Variants in TICRR observed in about 807,000 individuals in gnomAD.
TICRR encodes treslin.
TICRR carries 132 observed loss-of-function variants against 178.1 expected under a neutral mutation model. The observed-to-expected ratio is 0.74, with a 90% CI of 0.64 to 0.86. The LOEUF is 0.86. Ranked by LOEUF, TICRR falls within the 40% of genes least tolerant of loss-of-function variation. The pLI is 0.00. For synonymous variants in TICRR, 991 were observed against 900.7 expected, an observed-to-expected ratio of 1.10 and a Z score of -1.79; for missense variants, 2,587 against 2,334.3, an observed-to-expected ratio of 1.11 and a Z score of -2.23.
chr15:89,627,493 G>A lies in TICRR; in HGVS notation c.*407G>A, dbSNP rs190449774. On this transcript the variant is annotated 3_prime_UTR_variant, in exon 22 of 22. Transcript: ENST00000268138. ...GCTGGGCTGCTGCGACACAGGCAGC[G>A]CTTTGTAAACTGTGAAGCCATATAC... 6 of 198,212 alleles carry A rather than the reference G, an allele frequency of 3.0e-5. No homozygotes were observed. The highest frequency in any genetic ancestry group is 1.1e-4 in the Admixed American group (2 of 18,394). The allele number at this position is 198,212 out of a possible 1,614,324, so 12.3% of individuals were successfully genotyped here.
In TICRR at chr15:89,627,049, GGAA is replaced by G; in HGVS notation, c.5701_5703del (p.Lys1901del). 3.1e-6 allele frequency: 5 copies of G among 1,614,080 alleles called. No individual in the cohort carries two copies. Among genetic ancestry groups the G allele is most frequent in the Non-Finnish European group, 4.2e-6 (5 of 1,180,040 alleles). Reference sequence around the variant, plus strand: ...CGCCCCATCAGCAGAACTTATACACGGAAGAAGCTCATGGGAACCTGGCTGGAG... The same window carrying G: ...CGCCCCATCAGCAGAACTTATACACGGAAGCTCATGGGAACCTGGCTGGAG... On this transcript the variant is annotated inframe_deletion, in exon 22 of 22. Coordinates refer to ENST00000268138, the MANE Select transcript of TICRR (RefSeq NM_152259.4).
rs1254350348 is a variant in TICRR at position 89,595,436 on chromosome 15, G to T, written c.1725G>T (p.Met575Ile). The T allele has an allele frequency of 1.2e-6, 2 of 1,613,986 alleles. No individual in the cohort carries two copies. Among genetic ancestry groups the T allele is most frequent in the Non-Finnish European group, 1.7e-6 (2 of 1,180,022 alleles). The change falls in exon 7 of 22, where the codon ATG becomes ATT. Residue 575 changes from methionine (M) to isoleucine (I), a missense_variant. Physicochemically the swap from Met to Ile is conservative, Grantham distance 10. Transcript: ENST00000268138. ...RTPVRQKMNTMCRSLKMLNVA... is the reference protein window; with the variant it reads ...RTPVRQKMNTICRSLKMLNVA... Reference sequence around the variant, plus strand: ...CAGTGAGACAGAAGATGAATACCATGTGCCGTTCCTTAAAGATGTTGAATG... The same window carrying T: ...CAGTGAGACAGAAGATGAATACCATTTGCCGTTCCTTAAAGATGTTGAATG...
At chr15:89,601,148 A>G (rs1963088087) in intron 9 of TICRR, 150 bp from the exon 10 acceptor site, 2 of 574,140 alleles carry the variant, frequency 3.5e-6, no homozygotes, top group African/African-American at 1.9e-5. Flanking sequence ...TCACCTATTT[A>G]TCTAATAACT....
Position 89,602,784 on chromosome 15 carries a change from T to C in TICRR, c.2568-12T>C. ...CTATCTAGTATGTATTAACTATTTC[T>C]ATTTTTAAAAGGAAAAATGCATTAA... is the stretch of plus-strand genomic sequence containing the variant. On this transcript the variant is annotated splice_polypyrimidine_tract_variant and intron_variant, in intron 12 of 21. Transcript: ENST00000268138. The C allele has an allele frequency of 1.4e-6, 2 of 1,407,032 alleles. No homozygotes were observed. Among genetic ancestry groups the C allele is most frequent in the Non-Finnish European group, 1.9e-6 (2 of 1,062,162 alleles). The allele number at this position is 1,407,032 out of a possible 1,614,324, so 87.2% of individuals were successfully genotyped here. A position where few individuals can be genotyped will look rare whatever the true frequency, so the allele number is the denominator to read the frequency against.
rs1963494278 is a variant in TICRR, at chr15:89,625,063, G to A, written c.4753G>A (p.Glu1585Lys). 6.2e-7 allele frequency: 1 copy of A among 1,613,934 alleles called. No homozygotes were observed. The highest frequency in any genetic ancestry group is 8.5e-7 in the Non-Finnish European group (1 of 1,179,992). Reference protein sequence around the residue: ...IKKIDPSSSLEAEPLSKEESS... With the variant: ...IKKIDPSSSLKAEPLSKEESS... Reference sequence around the variant, plus strand: ...GAAGATAGACCCCAGCTCTTCATTAGAGGCTGAGCCCCTCAGCAAGGAGGA... The same window carrying A: ...GAAGATAGACCCCAGCTCTTCATTAAAGGCTGAGCCCCTCAGCAAGGAGGA... The change falls in exon 20 of 22, where the codon GAG (glutamate) becomes AAG (lysine). Residue 1585 changes from glutamate to lysine, a missense_variant. Glu to Lys is a moderately conservative substitution (Grantham distance 56, BLOSUM62 1). Coordinates refer to ENST00000268138, the MANE Select transcript of TICRR (RefSeq NM_152259.4).
chr15:89,598,311 C>T (rs908757207), intron 7 of TICRR, among the ~76,000 whole-genome samples: 2 of 151,892 alleles, frequency 1.3e-5, no homozygotes, highest in Non-Finnish European at 2.9e-5. Flanking sequence ...TTCAGATTTT[C>T]TAATCATGTC....
chr15:89,599,925 G>A (rs147670579), intron 8 of TICRR, among the ~76,000 whole-genome samples: 1,607 of 152,266 alleles, frequency 0.011, 35 homozygotes, highest in African/African-American at 0.037. Context: ...GGCCAACATG[G>A]TGAAACCCCG....
rs1963059685 is a variant in TICRR, at chr15:89,599,601, A to C, written c.2052+126A>C. 4 of 884,392 alleles carry C rather than the reference A, an allele frequency of 4.5e-6. No homozygotes were observed. In the South Asian group the frequency reaches 7.0e-5, roughly 15 times the overall value. 54.8% of individuals were successfully genotyped at this position (884,392 alleles called of 1,614,324 possible). On this transcript the variant is annotated intron_variant, in intron 8 of 21. Coordinates refer to ENST00000268138, the MANE Select transcript of TICRR (RefSeq NM_152259.4). ...TATGTGATTCAAAAATGGTAAGATA[A>C]GTAAGGGAGTAAGTACAGTTCCAGA...
In TICRR at chr15:89,587,924, GC is replaced by G. The variant is rs553843438; in HGVS notation, c.1411+1983del. The stretch of plus-strand genomic sequence containing the variant: ...TTTTAGAAATAATAATAGCCTGCTT[GC>G]ATGTTGATGAGATAATATGGTAAAA... On this transcript the variant is annotated intron_variant, in intron 4 of 21. Transcript: ENST00000268138. Among the ~76,000 whole-genome samples, 237 of 152,300 alleles carry G rather than the reference GC, an allele frequency of 1.6e-3. 1 individual carries two copies. Among genetic ancestry groups the G allele is most frequent in the African/African-American group, 5.3e-3 (222 of 41,568 alleles).
At chr15:89,594,738 T>C (rs1172792360) in intron 6 of TICRR, among the ~76,000 whole-genome samples, 184 bp downstream of exon 6, 3 of 152,246 alleles carry the variant, frequency 2.0e-5, no homozygotes, top group Non-Finnish European at 4.4e-5. Context: ...ACCAGTCTTA[T>C]CTGTCTAATG....
chr15:89,608,968 G>C lies in TICRR; in HGVS notation c.2869+19G>C. Reference sequence around the variant, plus strand: ...AACAAAGGTACCACATTTCAGAATAGCTAGGAAAAAGGAAAGGGAGATTCT... The same window carrying C: ...AACAAAGGTACCACATTTCAGAATACCTAGGAAAAAGGAAAGGGAGATTCT... On this transcript the variant is annotated intron_variant, in intron 15 of 21. Transcript: ENST00000268138. The C allele has an allele frequency of 6.4e-7, 1 of 1,568,976 alleles. No homozygotes were observed. The highest frequency in any genetic ancestry group is 8.6e-7 in the Non-Finnish European group (1 of 1,165,616).
At position 89,575,939 on chromosome 15, in the gene TICRR, T is replaced by A; in HGVS notation, c.353T>A (p.Ile118Asn). 6.3e-7 allele frequency: 1 copy of A among 1,597,318 alleles called. No homozygotes were observed. Among genetic ancestry groups the A allele is most frequent in the Non-Finnish European group, 8.5e-7 (1 of 1,173,916 alleles). ...LLDYQWDRPE[I>N]TSPTKPILRS... Reference sequence around the variant, plus strand: ...GACTACCAGTGGGACCGGCCCGAGATCACGTCGCCCACGAAGCCGATCCTG... The same window carrying A: ...GACTACCAGTGGGACCGGCCCGAGAACACGTCGCCCACGAAGCCGATCCTG... The change falls in exon 1 of 22, where the codon ATC becomes AAC. Residue 118 changes from isoleucine to asparagine, a missense_variant. Physicochemically the swap from Ile to Asn is moderately radical, Grantham distance 149. Coordinates refer to ENST00000268138, the MANE Select transcript of TICRR (RefSeq NM_152259.4).
rs928329392 is a variant in TICRR, at chr15:89,626,080, C to T, written c.5602+19C>T. The T allele has an allele frequency of 1.2e-6, 2 of 1,609,880 alleles. No individual in the cohort carries two copies. Among genetic ancestry groups the T allele is most frequent in the Non-Finnish European group, 1.7e-6 (2 of 1,178,746 alleles). ...CCCAGAGGTAATGTTTGTTGAAGGT[C>T]TAGGACCCTTTCCTGTGACAGACTG... On this transcript the variant is annotated intron_variant, in intron 21 of 21. Transcript: ENST00000268138.
chr15:89,598,432 G>A (rs1410330299), intron 7 of TICRR, among the ~76,000 whole-genome samples: 3 of 152,080 alleles, frequency 2.0e-5, no homozygotes, highest in South Asian at 2.1e-4. Flanking sequence ...GTGCGGTCTT[G>A]GCTCACTGCA....
rs567784400 is a variant in TICRR, at chr15:89,581,517, G to T, written c.655-1169G>T. Among the ~76,000 whole-genome samples the T allele has an allele frequency of 8.5e-5, 13 of 152,298 alleles. No individual in the cohort carries two copies. In the South Asian group the frequency reaches 2.7e-3, roughly 32 times the overall value. The stretch of plus-strand genomic sequence containing the variant: ...CAGGATTTGAGCCAGATACAGAAGC[G>T]TAATAACCATTCAGTTGGTGAAGAA... On this transcript the variant is annotated intron_variant, in intron 1 of 21. Transcript: ENST00000268138.
intron 6 of TICRR, 120 bp from the exon 7 acceptor site, chr15:89,595,273 C>T: frequency 1.4e-6 from 1 of 713,896 alleles, no homozygotes. Flanking sequence ...TAATTCAAAT[C>T]ATTCTGGAGG....
At position 89,625,545 on chromosome 15, in the gene TICRR, G is replaced by A; in HGVS notation, c.5235G>A (p.Gln1745=). 2 of 1,613,326 alleles carry A rather than the reference G, an allele frequency of 1.2e-6. No homozygotes were observed. The highest frequency in any genetic ancestry group is 1.7e-6 in the Non-Finnish European group (2 of 1,180,004). The stretch of plus-strand genomic sequence containing the variant: ...ATTTTGAGCTCGAGGGAGTGTGCCA[G>A]CTCCCAGACCAGTCGCCTCCCAGGA... ...LEDFELEGVC[Q]LPDQSPPRNS... Residue 1745 remains glutamine (Q), a synonymous_variant, in exon 20 of 22, where the codon CAG becomes CAA. Coordinates refer to ENST00000268138, the MANE Select transcript of TICRR (RefSeq NM_152259.4).
chr15:89,589,082 T>C (rs1224752554), intron 4 of TICRR, among the ~76,000 whole-genome samples: 1 of 151,938 alleles, frequency 6.6e-6, no homozygotes, highest in African/African-American at 2.4e-5. Flanking sequence ...ATTTTGCTGA[T>C]GAGGGTCAGT....
chr15:89,576,048 C>T lies in TICRR; in HGVS notation c.462C>T (p.Val154=), dbSNP rs748491726. ...CGCTCGGGGGCTTGGTGAACGCCGTCTTCCTCCTGGCCCCCTGTCCGCACT... is the reference window on the plus strand; with the variant it reads ...CGCTCGGGGGCTTGGTGAACGCCGTTTTCCTCCTGGCCCCCTGTCCGCACT... ...EAALGGLVNA[V]FLLAPCPHSQ... The change falls in exon 1 of 22, where the codon GTC becomes GTT. Residue 154 remains valine, a synonymous_variant. Transcript: ENST00000268138. The T allele has an allele frequency of 2.5e-6, 4 of 1,610,896 alleles. No homozygotes were observed. The East Asian group carries it at 8.9e-5, about 36-fold the overall frequency.
Sources: allele counts gnomAD v4.1 joint callset (sites outside exome capture counted in the v4.1 genomes callset), GRCh38; gene constraint gnomAD v4.1.1; transcripts MANE v1.5; gene names NCBI Gene and HGNC (gene_info 2026-07-23, HGNC 2026-07-21).